SLC2A13: variants seen among roughly 807,000 people sequenced by gnomAD.
SLC2A13 encodes solute carrier family 2 member 13.
Under a neutral mutation model 64.4 loss-of-function variants are expected in SLC2A13, and 32 were observed. That is an observed-to-expected ratio of 0.50 (90% CI 0.37 to 0.67). SLC2A13 has a LOEUF of 0.67. SLC2A13 is among the 30% of genes least tolerant of loss of function. The pLI is 0.00. For missense variants in SLC2A13, 743 were observed against 829.2 expected, an observed-to-expected ratio of 0.90 and a Z score of 1.28; for synonymous variants, 338 against 327.1, an observed-to-expected ratio of 1.03 and a Z score of -0.36.
chr12:39,908,301 T>C (rs1387158567), intron 4 of SLC2A13: 1 of 151,960 alleles, frequency 6.6e-6, no homozygotes, highest in African/African-American at 2.4e-5. Context: ...CCCAAACAAC[T>C]ACAAAGAGTT....
chr12:40,082,721 G>A (rs964825863), intron 1 of SLC2A13, among the ~76,000 whole-genome samples: 2 of 152,200 alleles, frequency 1.3e-5, no homozygotes, highest in African/African-American at 4.8e-5. Context: ...GACCCCTGGG[G>A]ATCCATGCAA....
intron 1 of SLC2A13, among the ~76,000 whole-genome samples, chr12:40,104,665 G>T (rs1286695028): frequency 6.6e-6 from 1 of 152,182 alleles, no homozygotes; most frequent in African/African-American, 2.4e-5. Context: ...AAAGGCAATA[G>T]AAAAAGCATA....
intron 4 of SLC2A13, among the ~76,000 whole-genome samples, chr12:39,924,692 T>C (rs1425314884): frequency 2.0e-5 from 3 of 152,196 alleles, no homozygotes; most frequent in Non-Finnish European, 4.4e-5. Flanking sequence ...CTTTCAATTT[T>C]TGAGGACAGT....
chr12:39,824,539 G>C (rs1047099064), intron 7 of SLC2A13, among the ~76,000 whole-genome samples: 1 of 152,162 alleles, frequency 6.6e-6, no homozygotes, highest in African/African-American at 2.4e-5. Flanking sequence ...AGGAGGTTAA[G>C]CTAGTCTTGT....
chr12:40,003,405 A>C (rs1591997261), intron 3 of SLC2A13, among the ~76,000 whole-genome samples: 1 of 152,284 alleles, frequency 6.6e-6, no homozygotes, highest in East Asian at 1.9e-4. Flanking sequence ...CAAAAACAAC[A>C]CTTAACCAAA....
At chr12:40,001,277 A>G (rs1947317740) in intron 3 of SLC2A13, among the ~76,000 whole-genome samples, 1 of 152,228 alleles carries the variant, frequency 6.6e-6, no homozygotes, top group African/African-American at 2.4e-5. Context: ...ATAACAAGCC[A>G]CCCTGTAATT....
At chr12:39,863,868 G>A (rs945609586) in intron 6 of SLC2A13, among the ~76,000 whole-genome samples, 11 of 152,168 alleles carry the variant, frequency 7.2e-5, no homozygotes, top group African/African-American at 2.7e-4. Flanking sequence ...AATACCAAGT[G>A]GAGTTTAGGG....
At chr12:39,796,928 G>A (rs1052761405) in intron 7 of SLC2A13, among the ~76,000 whole-genome samples, 3 of 152,028 alleles carry the variant, frequency 2.0e-5, no homozygotes, top group African/African-American at 7.2e-5. Flanking sequence ...TAAAGAATGT[G>A]GACATTAAGT....
intron 3 of SLC2A13, among the ~76,000 whole-genome samples, chr12:39,993,663 A>G (rs1947176589): frequency 1.3e-5 from 2 of 152,230 alleles, no homozygotes; most frequent in African/African-American, 4.8e-5. Context: ...TCTCTTTTGG[A>G]CTGAAAAACA....
At chr12:39,991,124 A>G (rs559952274) in intron 3 of SLC2A13, among the ~76,000 whole-genome samples, 1 of 152,282 alleles carries the variant, frequency 6.6e-6, no homozygotes, top group African/African-American at 2.4e-5. Context: ...ACGGAGTTCA[A>G]CCATGAAAGA....
chr12:40,042,539 T>C (rs1244111366), intron 2 of SLC2A13, among the ~76,000 whole-genome samples: 1 of 152,208 alleles, frequency 6.6e-6, no homozygotes, highest in African/African-American at 2.4e-5. Context: ...TTAATTTTTA[T>C]CTATCTATGA....
chr12:39,844,047 T>C (rs1044640665), intron 6 of SLC2A13, among the ~76,000 whole-genome samples: 8 of 152,028 alleles, frequency 5.3e-5, no homozygotes, highest in Non-Finnish European at 1.2e-4. Context: ...ACAGTTTTGC[T>C]TGGGGCTCAT....
chr12:40,071,947 T>A (rs1937975267), intron 1 of SLC2A13, among the ~76,000 whole-genome samples: 1 of 152,122 alleles, frequency 6.6e-6, no homozygotes, highest in Admixed American at 6.6e-5. Context: ...TACTATTTCT[T>A]ATCTTCTGCC....
chr12:40,070,156 A>G (rs1384050688), intron 1 of SLC2A13, among the ~76,000 whole-genome samples: 1 of 103,980 alleles, frequency 9.6e-6, no homozygotes, highest in Non-Finnish European at 2.1e-5. Context: ...CTATGGCAGG[A>G]AAAAAAAAAA....
chr12:40,087,631 C>T (rs1253271832), intron 1 of SLC2A13, among the ~76,000 whole-genome samples: 1 of 152,020 alleles, frequency 6.6e-6, no homozygotes, highest in Non-Finnish European at 1.5e-5. Flanking sequence ...TATGATAGAT[C>T]CTGGGATAAA....
chr12:40,009,168 G>A (rs1302129734), intron 3 of SLC2A13, among the ~76,000 whole-genome samples: 1 of 152,150 alleles, frequency 6.6e-6, no homozygotes, highest in African/African-American at 2.4e-5. Context: ...GTGGAGCAGA[G>A]AGGTATAAAA....
At chr12:40,026,887 C>T (rs1363844577) in intron 3 of SLC2A13, among the ~76,000 whole-genome samples, 1 of 152,124 alleles carries the variant, frequency 6.6e-6, no homozygotes, top group Non-Finnish European at 1.5e-5. Context: ...CAAGACCAGC[C>T]TGGCCAACAT....
At chr12:39,824,074 T>C (rs960001104) in intron 7 of SLC2A13, among the ~76,000 whole-genome samples, 17 of 152,234 alleles carry the variant, frequency 1.1e-4, no homozygotes, top group African/African-American at 4.1e-4. Context: ...ACTTGATGTA[T>C]ATAAAACACC....
intron 2 of SLC2A13, 28 bp from the exon 3 acceptor site, chr12:40,028,537 TG>T: frequency 6.2e-7 from 1 of 1,609,142 alleles, no homozygotes; most frequent in East Asian, 2.2e-5. Context: ...CCACATTTAC[TG>T]TAAAATTTGC....
Sources: gnomAD v4.1 joint callset for allele counts (sites outside exome capture counted in the v4.1 genomes callset) on GRCh38, gnomAD v4.1.1 for gene constraint, MANE v1.5 for transcripts, NCBI Gene and HGNC (gene_info 2026-07-23, HGNC 2026-07-21) for gene names.